The following GLIS3 variants were observed in gnomAD, a reference collection of about 807,000 sequenced individuals.
The protein encoded by GLIS3 is zinc finger protein GLIS3.
A neutral mutation model predicts 78.6 loss-of-function variants in GLIS3; 53 were observed. The ratio of observed to expected loss-of-function variants is 0.67; its 90% CI spans 0.54 to 0.85. GLIS3 has a LOEUF of 0.85. Among genes scored for constraint, GLIS3 ranks in the 40% least tolerant of loss-of-function variants. The probability of loss-of-function intolerance (pLI) is 0.00; values close to 1 mark genes in which losing one functional copy is unlikely to be tolerated. For synonymous variants in GLIS3, 684 were observed against 509.9 expected, an observed-to-expected ratio of 1.34 and a Z score of -4.60; for missense variants, 1,703 against 1,231.1, an observed-to-expected ratio of 1.38 and a Z score of -5.74.
At chr9:3,833,123 G>A (rs921055132) in intron 9 of GLIS3, among the ~76,000 whole-genome samples, 3 of 152,174 alleles carry the variant, frequency 2.0e-5, no homozygotes, top group Non-Finnish European at 2.9e-5. Flanking sequence ...TGAGCGAGGA[G>A]GACAGAGTAG....
intron 2 of GLIS3, among the ~76,000 whole-genome samples, chr9:4,256,656 C>A (rs866924777): frequency 1.4e-4 from 22 of 152,148 alleles, no homozygotes; most frequent in African/African-American, 4.3e-4. Context: ...CTACGTAACA[C>A]AATTCACATT....
chr9:4,107,037 G>C (rs1005597579), intron 4 of GLIS3, among the ~76,000 whole-genome samples: 1 of 152,032 alleles, frequency 6.6e-6, no homozygotes, highest in Non-Finnish European at 1.5e-5. Context: ...GGTTGGGCTG[G>C]GAAAGATTTA....
intron 2 of GLIS3, among the ~76,000 whole-genome samples, chr9:4,140,193 G>A (rs764728520): frequency 9.4e-4 from 143 of 152,192 alleles, no homozygotes; most frequent in Non-Finnish European, 1.7e-3. Flanking sequence ...GCATGGTGGC[G>A]CGTGCCTATA....
chr9:3,997,522 T>G (rs1195116597), intron 4 of GLIS3, among the ~76,000 whole-genome samples: 2 of 151,976 alleles, frequency 1.3e-5, no homozygotes, highest in Non-Finnish European at 2.9e-5. Context: ...ACTGCCAAAA[T>G]CTTAAGAAAA....
intron 6 of GLIS3, among the ~76,000 whole-genome samples, chr9:3,912,550 T>A (rs191895845): frequency 3.3e-4 from 51 of 152,336 alleles, no homozygotes; most frequent in Admixed American, 3.3e-3. Context: ...TTCAAAAGGA[T>A]GTTGAAATCA....
At chr9:4,099,745 G>A (rs1277614852) in intron 4 of GLIS3, among the ~76,000 whole-genome samples, 2 of 152,128 alleles carry the variant, frequency 1.3e-5, no homozygotes, top group African/African-American at 4.8e-5. Flanking sequence ...ACAATAAGTT[G>A]CATATTAAGT....
At chr9:3,988,293 C>A (rs572840105) in intron 4 of GLIS3, among the ~76,000 whole-genome samples, 34 of 152,094 alleles carry the variant, frequency 2.2e-4, no homozygotes, top group African/African-American at 7.5e-4. Flanking sequence ...GATCTTCCAA[C>A]AGAAAGGAAA....
the GLIS3 span, among the ~76,000 whole-genome samples, chr9:4,384,039 C>T: frequency 6.6e-6 from 1 of 152,202 alleles, no homozygotes; most frequent in Admixed American, 6.5e-5. Context: ...TCAGTCATGT[C>T]ATTTATAGGG....
chr9:4,407,763 T>C, the GLIS3 span, among the ~76,000 whole-genome samples: 5 of 152,240 alleles, frequency 3.3e-5, no homozygotes, highest in East Asian at 3.9e-4. Context: ...AATGTACACA[T>C]AGAATCACAT....
intron 4 of GLIS3, among the ~76,000 whole-genome samples, chr9:3,972,232 T>C (rs1818434021): frequency 6.6e-6 from 1 of 152,214 alleles, no homozygotes; most frequent in African/African-American, 2.4e-5. Context: ...TCCCCTCCAG[T>C]AAGGCTTAAG....
At chr9:3,832,476 C>T (rs1454480982) in intron 9 of GLIS3, among the ~76,000 whole-genome samples, 2 of 152,120 alleles carry the variant, frequency 1.3e-5, no homozygotes, top group Non-Finnish European at 2.9e-5. Flanking sequence ...GCTCATGGCT[C>T]CTCAATCCTG....
rs138014745 is a variant in GLIS3 at position 4,237,510 on chromosome 9, G to A, written c.388+48528C>T. Among the ~76,000 whole-genome samples the A allele has an allele frequency of 1.6e-4, 25 of 152,290 alleles. No homozygotes were observed. In the East Asian group the frequency reaches 1.9e-3, roughly 12 times the overall value. ...TTCAGGCTCAGTCTACTGAGCCCTA[G>A]GGCATGGCTGAAAATCTACAAATGG... On this transcript the variant is annotated intron_variant, in intron 2 of 10. Transcript: ENST00000381971.
At chr9:4,485,617 A>G in the GLIS3 span, among the ~76,000 whole-genome samples, 1,524 of 152,202 alleles carry the variant, frequency 0.01, 23 homozygotes, top group African/African-American at 0.035. Context: ...CATCTTTACA[A>G]CAATACCAGT....
rs374515195 is a variant in GLIS3 at position 4,242,634 on chromosome 9, A to G, written c.388+43404T>C. ...ACATGCTCCCTGTCCTCATCATGGG[A>G]CATTCTATATCTGTGCATATCCAAT... On this transcript the variant is annotated intron_variant, in intron 2 of 10. Coordinates refer to ENST00000381971, the MANE Select transcript of GLIS3 (RefSeq NM_001042413.2). 1.8e-3 allele frequency among the ~76,000 whole-genome samples: 271 copies of G among 152,314 alleles called. 1 individual carries two copies. Among genetic ancestry groups the G allele is most frequent in the African/African-American group, 6.1e-3 (254 of 41,558 alleles).
In GLIS3 at chr9:4,205,447, T is replaced by C. The variant is rs143016473; in HGVS notation, c.389-79506A>G. 3.9e-5 allele frequency among the ~76,000 whole-genome samples: 6 copies of C among 152,192 alleles called. No homozygotes were observed. In the East Asian group the frequency reaches 1.2e-3, roughly 29 times the overall value. ...GCAGAGACAATGGGATACAAGGAGA[T>C]ATGTTCTGGGGATTCTGAGAAAAAG... On this transcript the variant is annotated intron_variant, in intron 2 of 10. Coordinates refer to ENST00000381971, the MANE Select transcript of GLIS3 (RefSeq NM_001042413.2).
chr9:4,063,141 A>G (rs1826798182), intron 4 of GLIS3, among the ~76,000 whole-genome samples: 1 of 152,092 alleles, frequency 6.6e-6, no homozygotes, highest in Admixed American at 6.5e-5. Flanking sequence ...GCACCACCTT[A>G]TGTCTGCCTA....
chr9:4,027,428 C>G (rs1823438549), intron 4 of GLIS3, among the ~76,000 whole-genome samples: 1 of 152,182 alleles, frequency 6.6e-6, no homozygotes, highest in Admixed American at 6.5e-5. Flanking sequence ...ACAATCAGTT[C>G]ATTTGAGGAC....
chr9:4,154,724 A>T (rs1834926012), intron 2 of GLIS3, among the ~76,000 whole-genome samples: 2 of 152,194 alleles, frequency 1.3e-5, no homozygotes, highest in South Asian at 4.1e-4. Context: ...TTGAGAGTGT[A>T]ATATGTTATA....
chr9:4,256,654 C>G (rs1824969744), intron 2 of GLIS3, among the ~76,000 whole-genome samples: 1 of 152,142 alleles, frequency 6.6e-6, no homozygotes, highest in Admixed American at 6.5e-5. Context: ...GTCTACGTAA[C>G]ACAATTCACA....
Sources: gnomAD v4.1 joint callset for allele counts (sites outside exome capture counted in the v4.1 genomes callset) on GRCh38, gnomAD v4.1.1 for gene constraint, MANE v1.5 for transcripts, NCBI Gene and HGNC (gene_info 2026-07-23, HGNC 2026-07-21) for gene names.